The following DYRK1A variants were observed in gnomAD, a reference collection of about 807,000 sequenced individuals.
DYRK1A encodes dual specificity tyrosine phosphorylation regulated kinase 1A, also known as dual specificity tyrosine-phosphorylation-regulated kinase 1A.
Under a neutral mutation model 79.7 loss-of-function variants are expected in DYRK1A, and 9 were observed. That is an observed-to-expected ratio of 0.11 (90% CI 0.07 to 0.20). The LOEUF (loss-of-function observed/expected upper bound fraction) is 0.20. Ranked by LOEUF, DYRK1A falls within the 10% of genes least tolerant of loss-of-function variation. The pLI, the probability that DYRK1A is intolerant of heterozygous loss-of-function variation, is 1.00. For missense variants in DYRK1A, 622 were observed against 956.0 expected, an observed-to-expected ratio of 0.65 and a Z score of 4.61; for synonymous variants, 349 against 329.7, an observed-to-expected ratio of 1.06 and a Z score of -0.63.
At chr21:37,488,679 T>TA (rs1458630050) in intron 6 of DYRK1A, 1 of 985,274 alleles carries the variant, frequency 1.0e-6, no homozygotes, top group Non-Finnish European at 1.2e-6. Flanking sequence ...AGTAAATGAA[T>TA]AAAGAATTGT....
At chr21:37,472,257 C>G (rs912134871) in intron 2 of DYRK1A, among the ~76,000 whole-genome samples, 1 of 152,166 alleles carries the variant, frequency 6.6e-6, no homozygotes, top group Non-Finnish European at 1.5e-5. Context: ...TGTTGTTTGC[C>G]GTAAACCTGG....
intron 2 of DYRK1A, among the ~76,000 whole-genome samples, chr21:37,422,397 C>T (rs890135972): frequency 1.3e-5 from 2 of 152,168 alleles, no homozygotes; most frequent in African/African-American, 4.8e-5. Flanking sequence ...AATTTCAACA[C>T]ATTAAAACTA....
chr21:37,471,654 C>G (rs1472347378), intron 2 of DYRK1A, among the ~76,000 whole-genome samples: 1 of 152,142 alleles, frequency 6.6e-6, no homozygotes, highest in South Asian at 2.1e-4. Flanking sequence ...AGCTGGTCAC[C>G]GGTAGTGCTG....
intron 1 of DYRK1A, among the ~76,000 whole-genome samples, chr21:37,381,880 C>A (rs1055663589): frequency 1.3e-5 from 2 of 152,152 alleles, no homozygotes; most frequent in African/African-American, 4.8e-5. Context: ...TTCTTTTTGG[C>A]TTTAACTTCA....
chr21:37,423,125 G>C (rs2050521964), intron 2 of DYRK1A, among the ~76,000 whole-genome samples: 1 of 152,130 alleles, frequency 6.6e-6, no homozygotes, highest in Admixed American at 6.6e-5. Flanking sequence ...TTTTGATAAA[G>C]TTTTAAGACT....
chr21:37,385,556 C>T lies in DYRK1A; in HGVS notation c.-77+17928C>T, dbSNP rs188007063. ...GTGTCATAACCATGGACATGCCATGCCATTACCTTTGTTGTATTCTCTTGC... is the reference window on the plus strand; with the variant it reads ...GTGTCATAACCATGGACATGCCATGTCATTACCTTTGTTGTATTCTCTTGC... On this transcript the variant is annotated intron_variant, in intron 1 of 11. Transcript: ENST00000647188. 3.2e-4 allele frequency among the ~76,000 whole-genome samples: 49 copies of T among 152,288 alleles called. No individual in the cohort carries two copies. The East Asian group carries it at 9.1e-3, about 28-fold the overall frequency.
Position 37,516,414 on chromosome 21 carries a change from G to C in DYRK1A, c.*3883G>C, listed in dbSNP as rs1008556627. On this transcript the variant is annotated 3_prime_UTR_variant, in exon 12 of 12. Transcript: ENST00000647188. ...AGAAGTTCTGATTTTCATAACCCTG[G>C]TTTCTTATCTAGGCCTGTTTCCTTG... is the stretch of plus-strand genomic sequence containing the variant. 3 of 152,184 alleles carry C rather than the reference G, an allele frequency of 2.0e-5. No individual in the cohort carries two copies. The highest frequency in any genetic ancestry group is 7.2e-5 in the African/African-American group (3 of 41,430). The allele number at this position is 152,184 out of a possible 1,614,324, so 9.4% of individuals were successfully genotyped here. A position where few individuals can be genotyped will look rare whatever the true frequency, so the allele number is the denominator to read the frequency against.
rs1007150301 is a variant in DYRK1A at position 37,496,177 on chromosome 21, C to T, written c.1131C>T (p.Asp377=). ...VLGIPPAHIL[D]QAPKARKFFE... ...GTATTCCACCTGCTCATATTCTTGA[C>T]CAAGCACCAAAAGCAAGAAAGTTCT... The change falls in exon 9 of 12, where the codon GAC becomes GAT. Residue 377 remains aspartate, a synonymous_variant. Transcript: ENST00000647188. The T allele has an allele frequency of 9.3e-6, 15 of 1,614,028 alleles. No homozygotes were observed. The highest frequency in any genetic ancestry group is 4.5e-5 in the East Asian group (2 of 44,860).
intron 2 of DYRK1A, among the ~76,000 whole-genome samples, chr21:37,450,557 ACAC>A (rs2051413888): frequency 6.6e-6 from 1 of 152,174 alleles, no homozygotes; most frequent in South Asian, 2.1e-4. Flanking sequence ...AAGAATTATC[ACAC>A]CCTTGCCTTC....
At chr21:37,392,037 A>G (rs1391471323) in intron 1 of DYRK1A, among the ~76,000 whole-genome samples, 1 of 152,228 alleles carries the variant, frequency 6.6e-6, no homozygotes, top group African/African-American at 2.4e-5. Context: ...TCCATCTTTC[A>G]TAAATGATGT....
chr21:37,369,856 AT>A (rs2049395531), intron 1 of DYRK1A, among the ~76,000 whole-genome samples: 2 of 152,384 alleles, frequency 1.3e-5, no homozygotes, highest in African/African-American at 4.8e-5. Flanking sequence ...GGTGGAACCT[AT>A]TAGAAACTTA....
At chr21:37,454,617 A>G (rs1380553803) in intron 2 of DYRK1A, among the ~76,000 whole-genome samples, 1 of 152,202 alleles carries the variant, frequency 6.6e-6, no homozygotes, top group Non-Finnish European at 1.5e-5. Flanking sequence ...TTGTAAGTGA[A>G]AATAATTAAT....
Position 37,417,529 on chromosome 21 carries a change from C to CTTTTTCTTTTTCTTTTTCT in DYRK1A, c.-76-2765_-76-2764insCTTTTTCTTTTTCTTTTTT, listed in dbSNP as rs1555959239. 3.7e-3 allele frequency among the ~76,000 whole-genome samples: 163 copies of CTTTTTCTTTTTCTTTTTCT among 44,042 alleles called. 1 individual carries two copies. Among genetic ancestry groups the CTTTTTCTTTTTCTTTTTCT allele is most frequent in the East Asian group, 6.6e-3 (5 of 760 alleles). 28.9% of individuals were successfully genotyped at this position (44,042 alleles called of 152,430 possible). On this transcript the variant is annotated intron_variant, in intron 1 of 11. Coordinates refer to ENST00000647188, the MANE Select transcript of DYRK1A (RefSeq NM_001347721.2). Reference sequence around the variant, plus strand: ...TTCTTTTCTTTTTCTTTTTCTTTTTCTTTTTTTTTTTTTTTTTTTTTTTTT... The same window carrying CTTTTTCTTTTTCTTTTTCT: ...TTCTTTTCTTTTTCTTTTTCTTTTTCTTTTTCTTTTTCTTTTTCTTTTTTTTTTTTTTTTTTTTTTTTTT...
intron 1 of DYRK1A, among the ~76,000 whole-genome samples, chr21:37,410,098 C>T (rs1381748919): frequency 2.0e-5 from 3 of 152,184 alleles, no homozygotes; most frequent in Non-Finnish European, 2.9e-5. Flanking sequence ...GGAACAACCA[C>T]ATTTGCCAGG....
At chr21:37,499,516 T>C (rs1181981238) in intron 9 of DYRK1A, among the ~76,000 whole-genome samples, 1 of 152,176 alleles carries the variant, frequency 6.6e-6, no homozygotes, top group Non-Finnish European at 1.5e-5. Flanking sequence ...TTCAGGAAAA[T>C]GGACATCTTA....
chr21:37,479,616 T>TG (rs2052548651), intron 4 of DYRK1A, among the ~76,000 whole-genome samples: 1 of 99,356 alleles, frequency 1.0e-5, no homozygotes. Context: ...GTTTTTGTTT[T>TG]TTGTTTTTTT....
intron 8 of DYRK1A, among the ~76,000 whole-genome samples, chr21:37,494,792 A>T (rs1318590039): frequency 6.6e-6 from 1 of 151,984 alleles, no homozygotes; most frequent in Non-Finnish European, 1.5e-5. Context: ...TACTAAAAAT[A>T]GAAAAATTAG....
At chr21:37,418,060 C>T (rs2050392385) in intron 1 of DYRK1A, among the ~76,000 whole-genome samples, 1 of 152,128 alleles carries the variant, frequency 6.6e-6, no homozygotes, top group African/African-American at 2.4e-5. Flanking sequence ...TGTAGCTTAT[C>T]TGCAAAGCAC....
chr21:37,417,309 G>T (rs1159864472), intron 1 of DYRK1A, among the ~76,000 whole-genome samples: 1 of 151,916 alleles, frequency 6.6e-6, no homozygotes, highest in South Asian at 2.1e-4. Context: ...TTCTGCCTCA[G>T]CCTCCTGAGT....
Sources: gnomAD v4.1 joint callset for allele counts (sites outside exome capture counted in the v4.1 genomes callset) on GRCh38, gnomAD v4.1.1 for gene constraint, MANE v1.5 for transcripts, NCBI Gene and HGNC (gene_info 2026-07-23, HGNC 2026-07-21) for gene names.